The following RCOR1 variants were observed in gnomAD, a reference collection of about 807,000 sequenced individuals.
RCOR1 encodes the protein REST corepressor 1, also known as REST corepressor.
In RCOR1, 12 loss-of-function variants were observed where a neutral mutation model predicts 64.0. The ratio of observed to expected loss-of-function variants is 0.19; its 90% CI spans 0.12 to 0.30. RCOR1 has a LOEUF of 0.30. Ranked by LOEUF, RCOR1 falls within the 10% of genes least tolerant of loss-of-function variation. RCOR1 has a pLI of 1.00. For missense variants in RCOR1, 502 were observed against 621.2 expected, an observed-to-expected ratio of 0.81 and a Z score of 2.04; for synonymous variants, 279 against 227.2, an observed-to-expected ratio of 1.23 and a Z score of -2.05.
chr14:102,663,894 G>A (rs1399413949), intron 2 of RCOR1, among the ~76,000 whole-genome samples: 3 of 152,138 alleles, frequency 2.0e-5, no homozygotes, highest in Non-Finnish European at 4.4e-5. Context: ...AGAGAAAATC[G>A]ATTCCCAGTC....
At chr14:102,658,640 C>T in intron 2 of RCOR1, 1 of 985,056 alleles carries the variant, frequency 1.0e-6, no homozygotes, top group Non-Finnish European at 1.2e-6. Flanking sequence ...TTGGGTTCCT[C>T]TTACATCACC....
At chr14:102,654,786 G>GTTT (rs570052553) in intron 2 of RCOR1, among the ~76,000 whole-genome samples, 32 of 118,362 alleles carry the variant, frequency 2.7e-4, no homozygotes, top group African/African-American at 9.7e-4. Context: ...CTGTGGTTGA[G>GTTT]TTTTTTTTTT....
At chr14:102,624,076 G>A (rs1476390776) in intron 2 of RCOR1, among the ~76,000 whole-genome samples, 1 of 151,938 alleles carries the variant, frequency 6.6e-6, no homozygotes, top group Admixed American at 6.6e-5. Context: ...GGCACCTGTA[G>A]TCCCAGCTAC....
chr14:102,656,092 A>G (rs1200525381), intron 2 of RCOR1: 3 of 985,268 alleles, frequency 3.0e-6, no homozygotes, highest in Admixed American at 6.1e-5. Context: ...TTGAGTGGAA[A>G]CAGATTCTTT....
chr14:102,634,626 GTGTA>G (rs1894195260), intron 2 of RCOR1, among the ~76,000 whole-genome samples: 2 of 150,098 alleles, frequency 1.3e-5, no homozygotes, highest in Admixed American at 6.6e-5. Flanking sequence ...GTATGTGTGT[GTGTA>G]TGTGTGTATA....
intron 2 of RCOR1, among the ~76,000 whole-genome samples, chr14:102,608,461 G>A (rs35785423): frequency 0.24 from 36,162 of 151,964 alleles, 5,373 homozygotes; most frequent in East Asian, 0.55. Context: ...TTGAGATGGA[G>A]TCTTGCTCTG....
Position 102,721,003 on chromosome 14 carries a change from C to T in RCOR1, c.1054-4C>T, listed in dbSNP as rs774601694. 1.2e-5 allele frequency: 17 copies of T among 1,440,314 alleles called. No homozygotes were observed. The South Asian group carries it at 1.2e-4, about 10-fold the overall frequency. The allele number at this position is 1,440,314 out of a possible 1,614,324, so 89.2% of individuals were successfully genotyped here. The stretch of plus-strand genomic sequence containing the variant: ...TAAAATGAAAATTATTTTTTCCTTC[C>T]TAGATCCAGAATATTAAACAGACAA... On this transcript the variant is annotated splice_polypyrimidine_tract_variant and splice_region_variant and intron_variant, in intron 8 of 11. Coordinates refer to ENST00000262241, the MANE Select transcript of RCOR1 (RefSeq NM_015156.4).
At chr14:102,599,215 C>CT in intron 2 of RCOR1, among the ~76,000 whole-genome samples, 1 of 152,070 alleles carries the variant, frequency 6.6e-6, no homozygotes, top group South Asian at 2.1e-4. Flanking sequence ...CTTGAACCTC[C>CT]TGGGCGCACA....
At chr14:102,676,351 A>G (rs374235509) in intron 2 of RCOR1, among the ~76,000 whole-genome samples, 51 of 112,476 alleles carry the variant, frequency 4.5e-4, no homozygotes, top group South Asian at 1.1e-3. Flanking sequence ...TGACCCCCCC[A>G]CCACCCTCCC....
intron 2 of RCOR1, among the ~76,000 whole-genome samples, chr14:102,605,968 C>T (rs897163229): frequency 1.3e-5 from 2 of 152,162 alleles, no homozygotes; most frequent in Admixed American, 6.6e-5. Flanking sequence ...CTCTGTTGCA[C>T]AGGCTGGAGT....
In RCOR1 at chr14:102,681,903, G is replaced by A. The variant is rs770832809; in HGVS notation, c.370G>A (p.Ala124Thr). The A allele has an allele frequency of 1.2e-6, 2 of 1,613,098 alleles. No individual in the cohort carries two copies. Among genetic ancestry groups the A allele is most frequent in the Non-Finnish European group, 1.7e-6 (2 of 1,179,252 alleles). Residue 124 changes from alanine to threonine, a missense_variant, in exon 3 of 12, where the codon GCA (alanine) becomes ACA (threonine). This residue lies in a region of RCOR1 where 242 missense variants were observed against 204.9 expected (regional missense o/e 1.18). Transcript: ENST00000262241. ...TTTTTCTTTCTCCCAAGCCAAACTGGCAAGACGCAGTCAAGAACGGGACAA... is the reference window on the plus strand; with the variant it reads ...TTTTTCTTTCTCCCAAGCCAAACTGACAAGACGCAGTCAAGAACGGGACAA... ...VVPDFDPAKL[A>T]RRSQERDNLG...
At chr14:102,717,101 C>G (rs1340990721) in intron 8 of RCOR1, among the ~76,000 whole-genome samples, 1 of 152,092 alleles carries the variant, frequency 6.6e-6, no homozygotes, top group Admixed American at 6.5e-5. Context: ...TTTTAAATTA[C>G]TTTTTATAAT....
intron 2 of RCOR1, among the ~76,000 whole-genome samples, chr14:102,672,588 AAACAGGCAAAAGAGCTGAATAG>A (rs1288735018): frequency 6.6e-6 from 1 of 152,226 alleles, no homozygotes; most frequent in African/African-American, 2.4e-5. Flanking sequence ...ATCTGACTAA[AAACAGGCAAAAGAGCTGAATAG>A]ACATTTCTCC....
At chr14:102,712,644 T>C (rs1015489952) in intron 7 of RCOR1, among the ~76,000 whole-genome samples, 5 of 151,646 alleles carry the variant, frequency 3.3e-5, no homozygotes, top group Admixed American at 1.3e-4. Context: ...GTCAACGTGT[T>C]CTAGATACAT....
At chr14:102,653,339 C>T (rs1296080952) in intron 2 of RCOR1, among the ~76,000 whole-genome samples, 2 of 152,180 alleles carry the variant, frequency 1.3e-5, no homozygotes, top group Admixed American at 6.5e-5. Flanking sequence ...CCACCTCAGC[C>T]TCCTGAGTAG....
At chr14:102,597,885 C>G (rs187660235) in intron 2 of RCOR1, among the ~76,000 whole-genome samples, 1 of 150,430 alleles carries the variant, frequency 6.6e-6, no homozygotes, top group South Asian at 2.1e-4. Context: ...GGCATGATCT[C>G]GATCTCGGCT....
intron 2 of RCOR1, chr14:102,656,178 C>A: frequency 1.1e-6 from 1 of 922,138 alleles, no homozygotes; most frequent in Non-Finnish European, 1.3e-6. Context: ...CTCGCTGTGT[C>A]GCCCAGACTG....
chr14:102,685,820 G>T (rs1050547869), intron 3 of RCOR1, among the ~76,000 whole-genome samples: 1 of 152,142 alleles, frequency 6.6e-6, no homozygotes, highest in Non-Finnish European at 1.5e-5. Context: ...AAAGTTAGCT[G>T]GGTGCGTGGC....
chr14:102,681,435 G>A (rs1895301349), intron 2 of RCOR1, among the ~76,000 whole-genome samples: 1 of 152,174 alleles, frequency 6.6e-6, no homozygotes, highest in Non-Finnish European at 1.5e-5. Context: ...AGATTTTTAA[G>A]AATTAGTATG....
Sources: gnomAD v4.1 joint callset for allele counts (sites outside exome capture counted in the v4.1 genomes callset) on GRCh38, gnomAD v4.1.1 for gene constraint, gnomAD v4.1.1 regional missense constraint, MANE v1.5 for transcripts, NCBI Gene and HGNC (gene_info 2026-07-23, HGNC 2026-07-21) for gene names.